RBFOX1: variants seen among roughly 807,000 people sequenced by gnomAD.
RBFOX1 encodes RNA binding protein fox-1 homolog 1.
In RBFOX1, 8 loss-of-function variants were observed where a neutral mutation model predicts 57.7. The observed-to-expected ratio is 0.14, with a 90% CI of 0.08 to 0.25. The LOEUF (loss-of-function observed/expected upper bound fraction) is 0.25, where lower values mean the gene tolerates loss of function less well. RBFOX1 is among the 10% of genes least tolerant of loss of function. The pLI is 1.00. For missense variants in RBFOX1, 611 were observed against 548.5 expected, an observed-to-expected ratio of 1.11 and a Z score of -1.14; for synonymous variants, 326 against 222.4, an observed-to-expected ratio of 1.47 and a Z score of -4.15.
chr16:7,078,586 G>A (rs117108388), intron 4 of RBFOX1, among the ~76,000 whole-genome samples: 3,443 of 152,076 alleles, frequency 0.023, 54 homozygotes, highest in Middle Eastern at 0.034. Flanking sequence ...GGCCTCAAGT[G>A]ATCCACCCAC....
At chr16:5,689,061 A>G (rs763623931) in intron 3 of RBFOX1, among the ~76,000 whole-genome samples, 1 of 152,200 alleles carries the variant, frequency 6.6e-6, no homozygotes, top group South Asian at 2.1e-4. Context: ...TCACTTACCT[A>G]ACTTTGAACC....
At chr16:5,795,767 A>C (rs2054856774) in intron 3 of RBFOX1, among the ~76,000 whole-genome samples, 1 of 152,184 alleles carries the variant, frequency 6.6e-6, no homozygotes, top group Non-Finnish European at 1.5e-5. Flanking sequence ...TTTTGACTTT[A>C]GACCTGGAAG....
At chr16:5,399,289 G>T (rs2066648757) in intron 1 of RBFOX1, among the ~76,000 whole-genome samples, 1 of 152,224 alleles carries the variant, frequency 6.6e-6, no homozygotes, top group Non-Finnish European at 1.5e-5. Context: ...CGTGGATGAG[G>T]TCAAGGGCTC....
Position 5,599,124 on chromosome 16 carries a change from C to G in RBFOX1, c.481C>G (p.Leu161Val). ...TGAGGGGAATAAATTTTCCAGAGCA[C>G]TTGCACAATTTCTATCACTTGGGCC... Residue 161 changes from leucine (L) to valine (V), a missense_variant, in exon 3 of 3, where the codon CTT (leucine) becomes GTT (valine). By Grantham distance (32) the Leu-to-Val change is conservative. Transcript: ENST00000585867. 4.2e-6 allele frequency: 3 copies of G among 712,400 alleles called. 1 individual carries two copies. The highest frequency in any genetic ancestry group is 3.0e-5 in the South Asian group (2 of 66,470). The allele number at this position is 712,400 out of a possible 1,614,324, so 44.1% of individuals were successfully genotyped here.
intron 3 of RBFOX1, among the ~76,000 whole-genome samples, chr16:7,027,721 C>T (rs911283428): frequency 1.3e-5 from 2 of 152,104 alleles, no homozygotes; most frequent in Non-Finnish European, 2.9e-5. Flanking sequence ...TTTAATTCAC[C>T]AGTAAAACAA....
At chr16:5,676,590 G>C (rs1013734609) in intron 3 of RBFOX1, among the ~76,000 whole-genome samples, 28 of 152,264 alleles carry the variant, frequency 1.8e-4, no homozygotes, top group Non-Finnish European at 3.2e-4. Flanking sequence ...GCTGGGTGTG[G>C]TGGCTCATAC....
chr16:5,971,687 C>T (rs1484196591), intron 4 of RBFOX1, among the ~76,000 whole-genome samples: 1 of 152,078 alleles, frequency 6.6e-6, no homozygotes, highest in East Asian at 1.9e-4. Context: ...TCAGAAAAGT[C>T]ATATACGAAG....
rs185546603 is a variant in RBFOX1, at chr16:6,062,508, C to T, written c.-127+42516C>T. ...AAGAACCAGGTTCAGCAACCACATA[C>T]ATATTTCTTATAAATCACAATATCA... On this transcript the variant is annotated intron_variant, in intron 1 of 15. Coordinates refer to ENST00000550418, the MANE Select transcript of RBFOX1 (RefSeq NM_018723.4). 1.4e-3 allele frequency among the ~76,000 whole-genome samples: 206 copies of T among 151,404 alleles called. 1 individual carries two copies. In the Middle Eastern group the frequency reaches 0.017, roughly 13 times the overall value.
chr16:7,538,282 C>T (rs557208739), intron 5 of RBFOX1, among the ~76,000 whole-genome samples: 3 of 152,226 alleles, frequency 2.0e-5, no homozygotes, highest in South Asian at 4.2e-4. Flanking sequence ...TTATTTAAAG[C>T]CTCCTATTGT....
intron 1 of RBFOX1, among the ~76,000 whole-genome samples, chr16:5,442,728 T>C (rs2068121819): frequency 6.6e-6 from 1 of 152,176 alleles, no homozygotes; most frequent in Non-Finnish European, 1.5e-5. Flanking sequence ...CATTATGTTT[T>C]CCATTTAATC....
chr16:7,657,450 G>A (rs969517557), intron 12 of RBFOX1, among the ~76,000 whole-genome samples: 1 of 152,084 alleles, frequency 6.6e-6, no homozygotes, highest in Non-Finnish European at 1.5e-5. Flanking sequence ...GATTACAGGT[G>A]CCCGCCACCA....
At chr16:6,284,822 G>A (rs914968377) in intron 1 of RBFOX1, among the ~76,000 whole-genome samples, 5 of 152,106 alleles carry the variant, frequency 3.3e-5, no homozygotes, top group Non-Finnish European at 4.4e-5. Flanking sequence ...TTGTGACTCC[G>A]TTCACATTAT....
chr16:5,990,585 G>T (rs71392451), intron 4 of RBFOX1, among the ~76,000 whole-genome samples: 8,371 of 152,272 alleles, frequency 0.055, 321 homozygotes, highest in Middle Eastern at 0.11. Flanking sequence ...AGAAGGACAA[G>T]CCCATGGACT....
chr16:7,694,112 C>T (rs1029729904), intron 14 of RBFOX1, among the ~76,000 whole-genome samples: 5 of 152,168 alleles, frequency 3.3e-5, no homozygotes, highest in Non-Finnish European at 7.3e-5. Context: ...AATGCCTTAA[C>T]ACTAGATTTC....
At chr16:6,392,226 A>AGTATTTAAGAT (rs1170206922) in intron 2 of RBFOX1, among the ~76,000 whole-genome samples, 1 of 152,172 alleles carries the variant, frequency 6.6e-6, no homozygotes, top group Non-Finnish European at 1.5e-5. Context: ...GTTAACTCTA[A>AGTATTTAAGAT]GTATTTAAGA....
At chr16:7,008,487 C>G (rs528960877) in intron 3 of RBFOX1, among the ~76,000 whole-genome samples, 12 of 152,114 alleles carry the variant, frequency 7.9e-5, no homozygotes, top group Admixed American at 2.6e-4. Flanking sequence ...TTGCAGTGAT[C>G]TGAGATCATA....
At chr16:7,392,900 G>T in intron 4 of RBFOX1, among the ~76,000 whole-genome samples, 1 of 152,162 alleles carries the variant, frequency 6.6e-6, no homozygotes, top group East Asian at 1.9e-4. Context: ...TTGAGACAGA[G>T]TCTTGCTGTG....
Position 6,654,598 on chromosome 16 carries a change from C to T in RBFOX1, c.-63-5C>T, listed in dbSNP as rs1261073898. ...TCACTTTCCTTTCTTTTCTTCTCTT[C>T]TCAGGATATCAAAGCAGACTGCAAT... On this transcript the variant is annotated splice_polypyrimidine_tract_variant and splice_region_variant and intron_variant, in intron 2 of 15. Coordinates refer to ENST00000550418, the MANE Select transcript of RBFOX1 (RefSeq NM_018723.4). 4 of 1,505,620 alleles carry T rather than the reference C, an allele frequency of 2.7e-6. No individual in the cohort carries two copies. In the South Asian group the frequency reaches 3.8e-5, roughly 14 times the overall value. The allele number at this position is 1,505,620 out of a possible 1,614,324, so 93.3% of individuals were successfully genotyped here. A position where few individuals can be genotyped will look rare whatever the true frequency, so the allele number is the denominator to read the frequency against.
At chr16:6,098,133 C>A (rs1438245587) in intron 1 of RBFOX1, among the ~76,000 whole-genome samples, 1 of 151,590 alleles carries the variant, frequency 6.6e-6, no homozygotes, top group Non-Finnish European at 1.5e-5. Context: ...CCTCTTGCTA[C>A]CCTTCGTTGC....
Sources: gnomAD v4.1 joint callset for allele counts (sites outside exome capture counted in the v4.1 genomes callset) on GRCh38, gnomAD v4.1.1 for gene constraint, MANE v1.5 for transcripts, NCBI Gene and HGNC (gene_info 2026-07-23, HGNC 2026-07-21) for gene names.